The following CHLSN variants were observed in gnomAD, a reference collection of about 807,000 sequenced individuals.
CHLSN encodes the protein protein cholesin.
chr7:1,057,626 C>T, the CHLSN span: 6 of 769,326 alleles, frequency 7.8e-6, no homozygotes, highest in African/African-American at 1.7e-5. Flanking sequence ...TGGTGGTGGG[C>T]GTGCCAGTGG....
chr7:1,073,593 G>A, the CHLSN span, among the ~76,000 whole-genome samples: 102 of 152,214 alleles, frequency 6.7e-4, no homozygotes, highest in African/African-American at 2.4e-3. Context: ...GAAGCTCCGT[G>A]GAGAAAGCGA....
the CHLSN span, among the ~76,000 whole-genome samples, chr7:1,060,370 C>T: frequency 6.6e-6 from 1 of 152,196 alleles, no homozygotes; most frequent in African/African-American, 2.4e-5. Flanking sequence ...CCCACCCCTT[C>T]TGAAGACGGG....
At chr7:1,098,584 A>G in the CHLSN span, among the ~76,000 whole-genome samples, 1 of 152,118 alleles carries the variant, frequency 6.6e-6, no homozygotes, top group Non-Finnish European at 1.5e-5. Context: ...ACACGAGTGG[A>G]GCTGCCACGC....
the CHLSN span, among the ~76,000 whole-genome samples, chr7:982,418 G>A: frequency 6.6e-6 from 1 of 152,250 alleles, no homozygotes; most frequent in Non-Finnish European, 1.5e-5. Flanking sequence ...GTGCAAAGCA[G>A]GCCCGGCCGC....
chr7:1,059,850 CGTAGTGGGGCGGGTCT>C, the CHLSN span, among the ~76,000 whole-genome samples: 2 of 17,400 alleles, frequency 1.1e-4, no homozygotes, highest in Non-Finnish European at 2.0e-4. Context: ...GAGGCGGGTC[CGTAGTGGGGCGGGTCT>C]GTAGTGGGGC....
chr7:1,000,682 T>C, the CHLSN span: 11 of 698,226 alleles, frequency 1.6e-5, no homozygotes, highest in African/African-American at 1.4e-4. Flanking sequence ...CAAGGCCTCA[T>C]GTGAAGAGGG....
At chr7:1,004,557 A>C in the CHLSN span, among the ~76,000 whole-genome samples, 1 of 152,108 alleles carries the variant, frequency 6.6e-6, no homozygotes, top group Non-Finnish European at 1.5e-5. Flanking sequence ...CTTCAAGCCA[A>C]GCCCATCTCC....
the CHLSN span, among the ~76,000 whole-genome samples, chr7:1,038,205 TG>T: frequency 7.7e-5 from 4 of 52,202 alleles, no homozygotes; most frequent in Non-Finnish European, 1.6e-4. Flanking sequence ...GGGAGGGAGG[TG>T]GGGGGTCAGC....
chr7:1,075,578 C>T, the CHLSN span, among the ~76,000 whole-genome samples: 1 of 149,134 alleles, frequency 6.7e-6, no homozygotes, highest in Non-Finnish European at 1.5e-5. Context: ...GCTCTTGAAG[C>T]TGACCAAGGC....
chr7:1,057,460 G>A, the CHLSN span: 16 of 694,650 alleles, frequency 2.3e-5, no homozygotes, highest in East Asian at 3.0e-4. Flanking sequence ...GGGACGGGAC[G>A]CGAGCTGACC....
chr7:1,093,186 A>C, the CHLSN span: 1 of 543,370 alleles, frequency 1.8e-6, no homozygotes, highest in South Asian at 1.5e-5. Flanking sequence ...TGCAGGAAAC[A>C]TTTCTGACAC....
chr7:1,062,066 G>A, the CHLSN span, among the ~76,000 whole-genome samples: 8 of 152,228 alleles, frequency 5.3e-5, no homozygotes, highest in Admixed American at 2.6e-4. Context: ...AGCGCGTGAC[G>A]TCCCAGGGTC....
At chr7:1,002,431 G>GA in the CHLSN span, among the ~76,000 whole-genome samples, 1 of 127,918 alleles carries the variant, frequency 7.8e-6, no homozygotes, top group African/African-American at 3.0e-5. Flanking sequence ...TCCTGTGGGT[G>GA]GGGAGTCCTG....
At chr7:1,016,803 C>G in the CHLSN span, among the ~76,000 whole-genome samples, 3 of 123,614 alleles carry the variant, frequency 2.4e-5, 1 homozygote, top group South Asian at 4.7e-4. Context: ...CAGCACACAG[C>G]AGCACACACC....
chr7:986,914 C>T, the CHLSN span: 19 of 1,326,560 alleles, frequency 1.4e-5, no homozygotes, highest in Non-Finnish European at 1.9e-5. Context: ...TACCTCCTGG[C>T]TGGGGGCCTC....
At chr7:1,038,499 C>T in the CHLSN span, among the ~76,000 whole-genome samples, 1 of 110,046 alleles carries the variant, frequency 9.1e-6, no homozygotes, top group Non-Finnish European at 2.0e-5. Context: ...AAGCCCCCCG[C>T]CTGGCCAGCC....
chr7:1,049,427 C>T, the CHLSN span, among the ~76,000 whole-genome samples: 191 of 152,282 alleles, frequency 1.3e-3, no homozygotes, highest in Middle Eastern at 3.4e-3. Context: ...CTGGGGAAAC[C>T]GAGGCACACA....
chr7:1,062,947 T>C, the CHLSN span, among the ~76,000 whole-genome samples: 1 of 152,212 alleles, frequency 6.6e-6, no homozygotes, highest in African/African-American at 2.4e-5. Flanking sequence ...CCTAACCCCC[T>C]AACCACCCTA....
chr7:989,055 C>T, the CHLSN span: 1 of 474,084 alleles, frequency 2.1e-6, no homozygotes. Flanking sequence ...CAGTCCCTGC[C>T]AGCCCCCAGG....
Sources: gnomAD v4.1 joint callset for allele counts (sites outside exome capture counted in the v4.1 genomes callset) on GRCh38, gnomAD v4.1.1 for gene constraint, MANE v1.5 for transcripts, NCBI Gene and HGNC (gene_info 2026-07-23, HGNC 2026-07-21) for gene names.